The following ASAP1 variants were observed in gnomAD, a reference collection of about 807,000 sequenced individuals.
ASAP1 encodes ArfGAP with SH3 domain, ankyrin repeat and PH domain 1.
In ASAP1, 43 loss-of-function variants were observed where a neutral mutation model predicts 145.2. The observed-to-expected ratio is 0.30, with a 90% CI of 0.23 to 0.38. The LOEUF is 0.38. ASAP1 is among the 10% of genes least tolerant of loss of function. The probability of loss-of-function intolerance (pLI) is 1.00; values close to 1 mark genes in which losing one functional copy is unlikely to be tolerated. For missense variants in ASAP1, 1,018 were observed against 1,355.3 expected, an observed-to-expected ratio of 0.75 and a Z score of 3.91; for synonymous variants, 546 against 515.5, an observed-to-expected ratio of 1.06 and a Z score of -0.80.
rs991505822 is a variant in ASAP1, at chr8:130,443,231, C to A, written c.-28+229G>T. ...GAGGAGACCTCCCCCCCCCACCGGG[C>A]GGCCTCGCCCGGCCCCGCAGAGCCT... On this transcript the variant is annotated intron_variant, in intron 1 of 29. Transcript: ENST00000518721. Among the ~76,000 whole-genome samples the A allele has an allele frequency of 4.2e-4, 64 of 151,906 alleles. No homozygotes were observed. In the East Asian group the frequency reaches 0.011, roughly 27 times the overall value.
chr8:130,403,301 T>TTTTTAAAA (rs60441663), intron 1 of ASAP1, among the ~76,000 whole-genome samples: 2 of 150,994 alleles, frequency 1.3e-5, no homozygotes, highest in African/African-American at 4.9e-5. Context: ...TGTTTTTTTT[T>TTTTTAAAA]AAAAAACCCA....
chr8:130,279,926 GAACT>G (rs1297456155), intron 3 of ASAP1, among the ~76,000 whole-genome samples: 1 of 152,114 alleles, frequency 6.6e-6, no homozygotes, highest in Non-Finnish European at 1.5e-5. Flanking sequence ...GAGGAGATGG[GAACT>G]AACTTTTATA....
intron 3 of ASAP1, among the ~76,000 whole-genome samples, chr8:130,285,340 C>A (rs1473795431): frequency 1.3e-4 from 19 of 151,352 alleles, no homozygotes; most frequent in Admixed American, 1.2e-3. Flanking sequence ...AAACAAAAAA[C>A]AAAACTGACT....
At chr8:130,261,217 G>A (rs1268166435) in intron 3 of ASAP1, among the ~76,000 whole-genome samples, 2 of 152,174 alleles carry the variant, frequency 1.3e-5, no homozygotes, top group Non-Finnish European at 2.9e-5. Context: ...ATGTGTGTAT[G>A]GCGATGTATG....
chr8:130,091,046 T>A (rs558112473), intron 25 of ASAP1, among the ~76,000 whole-genome samples: 1 of 152,324 alleles, frequency 6.6e-6, no homozygotes, highest in South Asian at 2.1e-4. Context: ...AGGCTAGTAG[T>A]AAAGATGGGA....
At chr8:130,055,644 G>T (rs1263789409) in intron 29 of ASAP1, among the ~76,000 whole-genome samples, 1 of 152,062 alleles carries the variant, frequency 6.6e-6, no homozygotes, top group Non-Finnish European at 1.5e-5. Context: ...CAATTTTATT[G>T]TCTGCTGCAT....
chr8:130,100,516 A>T (rs1402286968), intron 24 of ASAP1, among the ~76,000 whole-genome samples: 4 of 151,916 alleles, frequency 2.6e-5, no homozygotes, highest in Non-Finnish European at 4.4e-5. Flanking sequence ...TTTAGTAGAG[A>T]TGGGGTTTCA....
chr8:130,239,334 T>C (rs1395505999), intron 3 of ASAP1, among the ~76,000 whole-genome samples: 4 of 152,140 alleles, frequency 2.6e-5, no homozygotes, highest in South Asian at 2.1e-4. Flanking sequence ...TTACAGAGAT[T>C]ATCTCACTTA....
At chr8:130,090,342 A>G (rs1564946757) in intron 25 of ASAP1, among the ~76,000 whole-genome samples, 1 of 152,240 alleles carries the variant, frequency 6.6e-6, no homozygotes, top group Non-Finnish European at 1.5e-5. Flanking sequence ...TGAAACGCTG[A>G]TGTGAAACTT....
chr8:130,272,337 C>T (rs139410153), intron 3 of ASAP1, among the ~76,000 whole-genome samples: 1 of 152,164 alleles, frequency 6.6e-6, no homozygotes, highest in East Asian at 1.9e-4. Context: ...AACAAACAAA[C>T]AAAACCCCTA....
chr8:130,112,210 T>C lies in ASAP1; in HGVS notation c.2285A>G (p.Lys762Arg). The change falls in exon 24 of 30, where the codon AAA becomes AGA. Residue 762 changes from lysine (K) to arginine (R), a missense_variant. By Grantham distance (26) the Lys-to-Arg change is conservative. This residue lies in a region of ASAP1 where 353 missense variants were observed against 375.4 expected (regional missense o/e 0.94). Coordinates refer to ENST00000518721, the MANE Select transcript of ASAP1 (RefSeq NM_018482.4). ...GAAGGCTCCATAGGAGAGCCGCTGTTTGTCCCTTGGAGTGCTGAATCCTGG... is the reference window on the plus strand; with the variant it reads ...GAAGGCTCCATAGGAGAGCCGCTGTCTGTCCCTTGGAGTGCTGAATCCTGG... Reference protein sequence around the residue: ...ALPGFSTPRDKQRLSYGAFTN... With the variant: ...ALPGFSTPRDRQRLSYGAFTN... 6.2e-7 allele frequency: 1 copy of C among 1,614,150 alleles called. No homozygotes were observed. The highest frequency in any genetic ancestry group is 8.5e-7 in the Non-Finnish European group (1 of 1,180,020).
intron 1 of ASAP1, among the ~76,000 whole-genome samples, chr8:130,406,334 A>G (rs1303972866): frequency 6.6e-6 from 1 of 152,182 alleles, no homozygotes; most frequent in Non-Finnish European, 1.5e-5. Flanking sequence ...TGATGATGAT[A>G]ATGATGATGA....
chr8:130,443,269 C>G (rs886984276), intron 1 of ASAP1, among the ~76,000 whole-genome samples, 191 bp downstream of exon 1: 7 of 151,896 alleles, frequency 4.6e-5, no homozygotes, highest in African/African-American at 1.7e-4. Flanking sequence ...CCGCGCGTCC[C>G]GCACACGCCC....
chr8:130,333,128 A>G (rs1039901042), intron 3 of ASAP1, among the ~76,000 whole-genome samples: 16 of 152,192 alleles, frequency 1.1e-4, no homozygotes, highest in African/African-American at 3.6e-4. Flanking sequence ...TTACAATTAT[A>G]TATCTACTCC....
intron 5 of ASAP1, among the ~76,000 whole-genome samples, chr8:130,190,582 A>C (rs1815070728): frequency 1.3e-5 from 2 of 151,992 alleles, no homozygotes; most frequent in Non-Finnish European, 2.9e-5. Context: ...CAGTGGCATG[A>C]TCTCTGCTCA....
chr8:130,210,117 C>G (rs1816487283), intron 5 of ASAP1, among the ~76,000 whole-genome samples: 1 of 152,130 alleles, frequency 6.6e-6, no homozygotes, highest in African/African-American at 2.4e-5. Flanking sequence ...ATACTCTTCT[C>G]TTTTCCCAAT....
At chr8:130,237,721 A>G (rs1464237489) in intron 3 of ASAP1, among the ~76,000 whole-genome samples, 1 of 152,020 alleles carries the variant, frequency 6.6e-6, no homozygotes, top group African/African-American at 2.4e-5. Context: ...CATTGTGTTT[A>G]GTTTGTTAAA....
intron 1 of ASAP1, among the ~76,000 whole-genome samples, chr8:130,420,490 T>G (rs1229928849): frequency 6.6e-6 from 1 of 152,278 alleles, no homozygotes; most frequent in East Asian, 1.9e-4. Flanking sequence ...GCAGCACTAT[T>G]CACGATGGCC....
intron 4 of ASAP1, 80 bp from the exon 5 acceptor site, chr8:130,214,781 C>A (rs573739133): frequency 5.9e-5 from 71 of 1,208,406 alleles, no homozygotes; most frequent in Admixed American, 9.5e-5. Context: ...CCGATCACTA[C>A]GAATTCTCAA....
Sources: allele counts gnomAD v4.1 joint callset (sites outside exome capture counted in the v4.1 genomes callset), GRCh38; gene constraint gnomAD v4.1.1; regional missense constraint gnomAD v4.1.1; transcripts MANE v1.5; gene names NCBI Gene and HGNC (gene_info 2026-07-23, HGNC 2026-07-21).